The following CRYBG1 variants were observed in gnomAD, a reference collection of about 807,000 sequenced individuals.
The protein encoded by CRYBG1 is beta/gamma crystallin domain-containing protein 1.
Under a neutral mutation model 189.2 loss-of-function variants are expected in CRYBG1, and 139 were observed. The observed-to-expected ratio is 0.73, with a 90% CI of 0.64 to 0.85. CRYBG1 has a LOEUF of 0.85. CRYBG1 is among the 40% of genes least tolerant of loss of function. The pLI, the probability that CRYBG1 is intolerant of heterozygous loss-of-function variation, is 0.00. For missense variants in CRYBG1, 2,611 were observed against 2,675.8 expected, an observed-to-expected ratio of 0.98 and a Z score of 0.53; for synonymous variants, 1,023 against 1,017.1, an observed-to-expected ratio of 1.01 and a Z score of -0.11.
rs200417771 is a variant in CRYBG1, at chr6:106,512,458, G to T, written c.1341G>T (p.Val447=). The T allele has an allele frequency of 1.7e-5, 28 of 1,611,036 alleles. No individual in the cohort carries two copies. Among genetic ancestry groups the T allele is most frequent in the Non-Finnish European group, 2.2e-5 (26 of 1,179,082 alleles). The part of the protein sequence containing the change: ...LPESAARDDA[V]FDDEVAPNAA... ...AGAGCGCTGCCAGGGACGACGCGGT[G>T]TTCGACGACGAGGTGGCGCCAAACG... The change falls in exon 3 of 22, where the codon GTG becomes GTT. Residue 447 remains valine (V), a synonymous_variant. Coordinates refer to ENST00000633556, the MANE Select transcript of CRYBG1 (RefSeq NM_001371242.2).
chr6:106,468,951 G>A (rs59410275), intron 2 of CRYBG1, among the ~76,000 whole-genome samples: 12,773 of 152,102 alleles, frequency 0.084, 695 homozygotes, highest in East Asian at 0.22. Flanking sequence ...TTTACAGGAT[G>A]AATCAGATCC....
intron 2 of CRYBG1, among the ~76,000 whole-genome samples, chr6:106,503,560 A>G (rs960421283): frequency 1.3e-5 from 2 of 152,254 alleles, no homozygotes; most frequent in African/African-American, 4.8e-5. Context: ...TCTTAGAAAA[A>G]ATAATTCGAT....
At chr6:106,548,820 G>A (rs1313105454) in intron 13 of CRYBG1, among the ~76,000 whole-genome samples, 1 of 151,138 alleles carries the variant, frequency 6.6e-6, no homozygotes, top group Non-Finnish European at 1.5e-5. Flanking sequence ...GTATACATGT[G>A]CCATGTTGGT....
intron 2 of CRYBG1, among the ~76,000 whole-genome samples, chr6:106,506,601 C>T (rs1773138014): frequency 6.6e-6 from 1 of 151,732 alleles, no homozygotes; most frequent in Admixed American, 6.6e-5. Context: ...TACAAGCAAC[C>T]ACCACCATGC....
intron 8 of CRYBG1, among the ~76,000 whole-genome samples, chr6:106,532,963 G>T (rs1333679409): frequency 2.0e-5 from 3 of 152,106 alleles, no homozygotes; most frequent in African/African-American, 7.2e-5. Flanking sequence ...CCATGTGCCA[G>T]GTGCTTTTCT....
At chr6:106,455,522 T>C (rs1771868405) in intron 2 of CRYBG1, among the ~76,000 whole-genome samples, 1 of 151,626 alleles carries the variant, frequency 6.6e-6, no homozygotes, top group Non-Finnish European at 1.5e-5. Flanking sequence ...TATTGAGTAA[T>C]GTATTATTAA....
intron 1 of CRYBG1, among the ~76,000 whole-genome samples, chr6:106,435,889 C>A (rs111431614): frequency 8.5e-5 from 13 of 152,196 alleles, no homozygotes; most frequent in African/African-American, 3.1e-4. Context: ...AAAAACAAAT[C>A]GTGTCTTGGA....
chr6:106,517,724 C>T (rs1453966159), intron 3 of CRYBG1, among the ~76,000 whole-genome samples: 10 of 151,770 alleles, frequency 6.6e-5, no homozygotes, highest in South Asian at 4.2e-4. Context: ...CTGTTCTAAA[C>T]CATCTCATTT....
In CRYBG1 at chr6:106,570,338, T is replaced by C. The variant is rs1479734280; in HGVS notation, c.*1772T>C. The stretch of plus-strand genomic sequence containing the variant: ...CATATCTGTCTTGTTCCTAGATATA[T>C]AGCTCTGATTTTAGGCCTTTTGTGC... On this transcript the variant is annotated 3_prime_UTR_variant, in exon 22 of 22. Transcript: ENST00000633556. The C allele has an allele frequency of 1.3e-5, 2 of 152,254 alleles. No individual in the cohort carries two copies. Among genetic ancestry groups the C allele is most frequent in the Non-Finnish European group, 2.9e-5 (2 of 68,050 alleles). 9.4% of individuals were successfully genotyped at this position (152,254 alleles called of 1,614,324 possible). A position where few individuals can be genotyped will look rare whatever the true frequency, so the allele number is the denominator to read the frequency against.
At chr6:106,361,147 C>T in intron 1 of CRYBG1, 66 bp downstream of exon 1, 1 of 1,476,558 alleles carries the variant, frequency 6.8e-7, no homozygotes, top group South Asian at 1.3e-5. Flanking sequence ...GCTGCGCTAG[C>T]CCTTGGACTC....
intron 1 of CRYBG1, among the ~76,000 whole-genome samples, chr6:106,369,351 T>G (rs1769968537): frequency 6.6e-6 from 1 of 152,224 alleles, no homozygotes; most frequent in Admixed American, 6.5e-5. Context: ...TGGCAAAAGA[T>G]ACTGTGGGGA....
intron 1 of CRYBG1, among the ~76,000 whole-genome samples, chr6:106,448,333 C>A (rs114213220): frequency 0.011 from 1,633 of 152,324 alleles, 31 homozygotes; most frequent in African/African-American, 0.038. Flanking sequence ...CACACACACT[C>A]AGCAGTTCCT....
intron 20 of CRYBG1, among the ~76,000 whole-genome samples, chr6:106,562,051 G>C (rs998428976): frequency 1.3e-5 from 2 of 152,166 alleles, no homozygotes; most frequent in African/African-American, 4.8e-5. Context: ...TTCTATGGTA[G>C]ATAAAACTTT....
At chr6:106,384,216 C>A (rs527425723) in intron 1 of CRYBG1, among the ~76,000 whole-genome samples, 1 of 152,166 alleles carries the variant, frequency 6.6e-6, no homozygotes, top group Non-Finnish European at 1.5e-5. Context: ...GACCTACTGG[C>A]TTTCTGGGGA....
intron 2 of CRYBG1, among the ~76,000 whole-genome samples, chr6:106,492,361 T>C (rs1323725917): frequency 6.6e-6 from 1 of 152,220 alleles, no homozygotes; most frequent in African/African-American, 2.4e-5. Flanking sequence ...TATTATGTTT[T>C]CAAGTACTTA....
intron 1 of CRYBG1, among the ~76,000 whole-genome samples, chr6:106,434,314 G>A (rs964747339): frequency 2.0e-5 from 3 of 152,128 alleles, no homozygotes; most frequent in African/African-American, 7.2e-5. Flanking sequence ...GGATCATGTG[G>A]GATGTTTTGG....
intron 1 of CRYBG1, among the ~76,000 whole-genome samples, chr6:106,433,729 A>ATATATATATG (rs546769364): frequency 7.3e-5 from 4 of 55,168 alleles, no homozygotes; most frequent in African/African-American, 3.5e-4. Context: ...ATATATATAT[A>ATATATATATG]TATATACATA....
At chr6:106,458,046 C>A (rs1771926384) in intron 2 of CRYBG1, among the ~76,000 whole-genome samples, 1 of 152,174 alleles carries the variant, frequency 6.6e-6, no homozygotes, top group South Asian at 2.1e-4. Context: ...GAAACACAAG[C>A]CTTTTACTGT....
chr6:106,510,288 A>C (rs1310729753), intron 2 of CRYBG1, among the ~76,000 whole-genome samples: 1 of 152,024 alleles, frequency 6.6e-6, no homozygotes, highest in East Asian at 1.9e-4. Context: ...CCGCTTTCCC[A>C]GGCTCGCCTC....
Sources: allele counts gnomAD v4.1 joint callset (sites outside exome capture counted in the v4.1 genomes callset), GRCh38; gene constraint gnomAD v4.1.1; transcripts MANE v1.5; gene names NCBI Gene and HGNC (gene_info 2026-07-23, HGNC 2026-07-21).